Variants in CCDC3 observed in about 807,000 individuals in gnomAD.
The protein encoded by CCDC3 is coiled-coil domain-containing protein 3.
A neutral mutation model predicts 21.4 loss-of-function variants in CCDC3; 24 were observed. The ratio of observed to expected loss-of-function variants is 1.12; its 90% CI spans 0.81 to 1.58. CCDC3 has a LOEUF of 1.58. Ranked by LOEUF, CCDC3 falls within the 40% of genes most tolerant of loss-of-function variation. CCDC3 has a pLI of 0.00. For synonymous variants in CCDC3, 186 were observed against 166.0 expected, an observed-to-expected ratio of 1.12 and a Z score of -0.93; for missense variants, 425 against 360.9, an observed-to-expected ratio of 1.18 and a Z score of -1.44.
chr10:12,957,319 G>A (rs1052295120), intron 2 of CCDC3, among the ~76,000 whole-genome samples: 5 of 152,114 alleles, frequency 3.3e-5, no homozygotes, highest in African/African-American at 7.2e-5. Flanking sequence ...GCTCTATACC[G>A]AAGCCTCTCT....
intron 2 of CCDC3, among the ~76,000 whole-genome samples, chr10:12,955,068 C>G (rs965543305): frequency 6.6e-6 from 1 of 152,160 alleles, no homozygotes; most frequent in Non-Finnish European, 1.5e-5. Flanking sequence ...CAAGAACAAA[C>G]TGTTCAAGTT....
chr10:13,035,864 G>A (rs1038387213), intron 5 of CCDC3, among the ~76,000 whole-genome samples: 5 of 151,042 alleles, frequency 3.3e-5, no homozygotes, highest in East Asian at 2.0e-4. Flanking sequence ...GTGGCTGCCC[G>A]GCCAGGCATG....
rs146861784 is a variant in CCDC3 at position 13,056,943 on chromosome 10, C to G, written c.-269-7002G>C. Among the ~76,000 whole-genome samples the G allele has an allele frequency of 3.5e-4, 53 of 152,256 alleles. No homozygotes were observed. In the East Asian group the frequency reaches 8.3e-3, roughly 24 times the overall value. On this transcript the variant is annotated intron_variant, in intron 4 of 6. Transcript: ENST00000378839. ...GAAGGCAAGACTGGAGTCAAAAGACCTGGGTCCTAGGCCCCACTTTGCCAT... is the reference window on the plus strand; with the variant it reads ...GAAGGCAAGACTGGAGTCAAAAGACGTGGGTCCTAGGCCCCACTTTGCCAT...
chr10:13,035,368 AAAAAT>A (rs1234167653), intron 5 of CCDC3, among the ~76,000 whole-genome samples: 1 of 152,220 alleles, frequency 6.6e-6, no homozygotes, highest in Non-Finnish European at 1.5e-5. Flanking sequence ...ATTAGAGACC[AAAAAT>A]AAAATAAAAT....
chr10:13,029,678 G>A (rs1185954953), intron 5 of CCDC3, among the ~76,000 whole-genome samples: 1 of 152,168 alleles, frequency 6.6e-6, no homozygotes, highest in Non-Finnish European at 1.5e-5. Context: ...CATGGTACGA[G>A]AACTACATGA....
At chr10:13,036,088 G>A (rs1430161877) in intron 5 of CCDC3, among the ~76,000 whole-genome samples, 3 of 152,084 alleles carry the variant, frequency 2.0e-5, no homozygotes, top group African/African-American at 7.2e-5. Context: ...AGAACGCAGT[G>A]AGCCGAGATT....
intron 2 of CCDC3, among the ~76,000 whole-genome samples, chr10:12,927,045 G>T (rs1834553547): frequency 6.6e-6 from 1 of 152,194 alleles, no homozygotes; most frequent in Middle Eastern, 3.4e-3. Context: ...CAAGAAAGAG[G>T]CCCCAAGATC....
At chr10:13,040,829 G>T (rs1836444804) in intron 5 of CCDC3, among the ~76,000 whole-genome samples, 1 of 151,996 alleles carries the variant, frequency 6.6e-6, no homozygotes, top group Non-Finnish European at 1.5e-5. Context: ...CTTTGAAGGT[G>T]ACCTTGTATT....
At chr10:12,904,809 G>A (rs552311674) in intron 2 of CCDC3, among the ~76,000 whole-genome samples, 1 of 152,114 alleles carries the variant, frequency 6.6e-6, no homozygotes, top group African/African-American at 2.4e-5. Flanking sequence ...TTTCCAAAGC[G>A]TTTTGGCTTC....
At chr10:13,005,321 C>G (rs1446767722), upstream of CCDC3, among the ~76,000 whole-genome samples, 1 of 152,174 alleles carries the variant, frequency 6.6e-6, no homozygotes, top group African/African-American at 2.4e-5. Context: ...AGGCAACGTA[C>G]CTTCAGAGTC....
chr10:12,921,208 G>A (rs902680390), intron 2 of CCDC3, among the ~76,000 whole-genome samples: 14 of 152,154 alleles, frequency 9.2e-5, no homozygotes, highest in African/African-American at 2.2e-4. Flanking sequence ...ATGAATTAAG[G>A]AGGCAATTGA....
Position 13,011,976 on chromosome 10 carries a change from G to A in CCDC3, c.-1-13464C>T, listed in dbSNP as rs138032591. Among the ~76,000 whole-genome samples the A allele has an allele frequency of 1.4e-3, 214 of 152,050 alleles. 1 individual carries two copies. Among genetic ancestry groups the A allele is most frequent in the African/African-American group, 5.0e-3 (209 of 41,492 alleles). On this transcript the variant is annotated intron_variant, in intron 5 of 6. Transcript: ENST00000378839. ...GACTCCCTATTCAACAAATGGTGCT[G>A]GGATAACTGGCTAGCAATACGTGGA... is the stretch of plus-strand genomic sequence containing the variant.
chr10:13,039,997 C>T (rs969229193), intron 5 of CCDC3, among the ~76,000 whole-genome samples: 1 of 151,782 alleles, frequency 6.6e-6, no homozygotes, highest in Admixed American at 6.6e-5. Context: ...TGGCATCCTC[C>T]CAGCTTGATA....
In CCDC3 at chr10:12,948,728, G is replaced by GT. The variant is rs72323989; in HGVS notation, c.549+49609dup. ...AATTTAAGTCCTCATTTTTAAGGCA[G>GT]TTTTTTTTTTTTTTTTTTTTTTGAG... On this transcript the variant is annotated intron_variant, in intron 2 of 2. Coordinates refer to ENST00000378825, the MANE Select transcript of CCDC3 (RefSeq NM_031455.4). Among the ~76,000 whole-genome samples the GT allele has an allele frequency of 2.3e-3, 214 of 91,070 alleles. 12 individuals are homozygous for GT. Among genetic ancestry groups the GT allele is most frequent in the Admixed American group, 3.5e-3 (22 of 6,232 alleles). 59.7% of individuals were successfully genotyped at this position (91,070 alleles called of 152,430 possible). A position where few individuals can be genotyped will look rare whatever the true frequency, so the allele number is the denominator to read the frequency against.
At chr10:13,049,389 C>T (rs934511485) in intron 5 of CCDC3, among the ~76,000 whole-genome samples, 8 of 152,014 alleles carry the variant, frequency 5.3e-5, no homozygotes, top group African/African-American at 1.4e-4. Flanking sequence ...AATTGGATGG[C>T]GCCAATGGCA....
At chr10:12,943,559 C>A (rs561975398) in intron 2 of CCDC3, among the ~76,000 whole-genome samples, 1 of 152,172 alleles carries the variant, frequency 6.6e-6, no homozygotes, top group Non-Finnish European at 1.5e-5. Flanking sequence ...TCCCTCCTCC[C>A]TTTTCTTTGT....
intron 5 of CCDC3, among the ~76,000 whole-genome samples, chr10:13,024,382 G>A (rs143689352): frequency 6.6e-6 from 1 of 152,274 alleles, no homozygotes; most frequent in Non-Finnish European, 1.5e-5. Flanking sequence ...CTCTCTGGCT[G>A]CATGTCAGGA....
intron 5 of CCDC3, among the ~76,000 whole-genome samples, chr10:13,042,633 G>T (rs987188951): frequency 2.7e-5 from 4 of 150,548 alleles, no homozygotes; most frequent in Non-Finnish European, 4.4e-5. Context: ...TCTCAGCCGG[G>T]CGTGGTGGCT....
intron 4 of CCDC3, chr10:13,050,039 G>T (rs911430079): frequency 2.0e-5 from 3 of 152,170 alleles, no homozygotes; most frequent in African/African-American, 7.2e-5. Context: ...TGATTCCGCT[G>T]GGGTGTACAT....
Sources: gnomAD v4.1 joint callset for allele counts (sites outside exome capture counted in the v4.1 genomes callset) on GRCh38, gnomAD v4.1.1 for gene constraint, MANE v1.5 for transcripts, NCBI Gene and HGNC (gene_info 2026-07-23, HGNC 2026-07-21) for gene names.